The following MDGA2 variants were observed in gnomAD, a reference collection of about 807,000 sequenced individuals.
The protein encoded by MDGA2 is MAM domain containing glycosylphosphatidylinositol anchor 2.
A neutral mutation model predicts 117.8 loss-of-function variants in MDGA2; 40 were observed. The observed-to-expected ratio is 0.34, with a 90% CI of 0.26 to 0.44. MDGA2 has a LOEUF of 0.44. Ranked by LOEUF, MDGA2 falls within the 20% of genes least tolerant of loss-of-function variation. The probability of loss-of-function intolerance (pLI) is 1.00; values close to 1 mark genes in which losing one functional copy is unlikely to be tolerated. For missense variants in MDGA2, 1,123 were observed against 1,250.6 expected, an observed-to-expected ratio of 0.90 and a Z score of 1.54; for synonymous variants, 452 against 439.0, an observed-to-expected ratio of 1.03 and a Z score of -0.37.
chr14:46,934,986 T>C (rs1595054712), intron 9 of MDGA2, among the ~76,000 whole-genome samples: 1 of 151,834 alleles, frequency 6.6e-6, no homozygotes. Context: ...AAACTACTGC[T>C]TCAAGAGTTA....
At chr14:47,270,489 A>C (rs1420907145) in intron 2 of MDGA2, among the ~76,000 whole-genome samples, 1 of 152,202 alleles carries the variant, frequency 6.6e-6, no homozygotes, top group Non-Finnish European at 1.5e-5. Flanking sequence ...ACATAAAATA[A>C]AAAGACCCAA....
chr14:46,871,897 CA>C, intron 14 of MDGA2: 1 of 395,616 alleles, frequency 2.5e-6, no homozygotes, highest in Non-Finnish European at 5.3e-6. Context: ...CCTGTAATCC[CA>C]GCATTTTGAG....
intron 4 of MDGA2, among the ~76,000 whole-genome samples, chr14:47,141,978 T>C (rs756663938): frequency 4.6e-5 from 7 of 152,306 alleles, no homozygotes; most frequent in Admixed American, 2.0e-4. Flanking sequence ...CATCACACCA[T>C]ACCAGATAAA....
At chr14:47,074,901 C>T (rs1350725432) in intron 6 of MDGA2, among the ~76,000 whole-genome samples, 4 of 152,128 alleles carry the variant, frequency 2.6e-5, no homozygotes, top group Admixed American at 6.5e-5. Context: ...ATTGTCCGCT[C>T]GATTTTTATG....
At chr14:47,261,926 A>T (rs1887809927) in intron 2 of MDGA2, among the ~76,000 whole-genome samples, 1 of 152,138 alleles carries the variant, frequency 6.6e-6, no homozygotes, top group Non-Finnish European at 1.5e-5. Flanking sequence ...TGGTCTTTGA[A>T]TTAGTTATAA....
At chr14:47,615,651 G>C (rs1896935972) in intron 1 of MDGA2, among the ~76,000 whole-genome samples, 1 of 152,176 alleles carries the variant, frequency 6.6e-6, no homozygotes, top group Non-Finnish European at 1.5e-5. Flanking sequence ...AATGCACATT[G>C]ACACAGTCCC....
Position 47,149,744 on chromosome 14 carries a change from T to A in MDGA2, c.596-5470A>T, listed in dbSNP as rs147245879. Among the ~76,000 whole-genome samples, 369 of 152,360 alleles carry A rather than the reference T, an allele frequency of 2.4e-3. 3 individuals carry two copies. The highest frequency in any genetic ancestry group is 5.0e-3 in the Admixed American group (77 of 15,308). ...CCTAGCAGTGTATAACACTATTTCC[T>A]GCTGTCCTTGTCTAAGTGTTAAATC... On this transcript the variant is annotated intron_variant, in intron 3 of 16. Transcript: ENST00000399232.
chr14:46,919,906 A>T, intron 10 of MDGA2, 106 bp downstream of exon 10: 1 of 970,132 alleles, frequency 1.0e-6, no homozygotes, highest in Non-Finnish European at 1.5e-6. Context: ...AAACACATAT[A>T]CATAAAATAT....
At chr14:47,142,490 C>T (rs1044108811) in intron 4 of MDGA2, among the ~76,000 whole-genome samples, 1 of 151,808 alleles carries the variant, frequency 6.6e-6, no homozygotes, top group African/African-American at 2.4e-5. Flanking sequence ...AAGAAATAGC[C>T]ATATAGAGAA....
chr14:47,612,212 ATAGATAG>A (rs1566541086), intron 1 of MDGA2, among the ~76,000 whole-genome samples: 11 of 134,202 alleles, frequency 8.2e-5, no homozygotes, highest in East Asian at 6.4e-4. Flanking sequence ...AGATAGACAG[ATAGATAG>A]ATAGATAGAT....
intron 1 of MDGA2, among the ~76,000 whole-genome samples, chr14:47,453,216 T>C (rs1269467505): frequency 6.6e-6 from 1 of 152,098 alleles, no homozygotes; most frequent in African/African-American, 2.4e-5. Flanking sequence ...TTTTCAAGTA[T>C]GATCAACTGA....
At chr14:47,483,262 A>G (rs1415995753) in intron 1 of MDGA2, among the ~76,000 whole-genome samples, 3 of 152,034 alleles carry the variant, frequency 2.0e-5, no homozygotes, top group Admixed American at 2.0e-4. Context: ...ACTTTAAGTG[A>G]TCATATATTT....
At chr14:46,862,950 T>C (rs914642272) in intron 14 of MDGA2, among the ~76,000 whole-genome samples, 1 of 152,194 alleles carries the variant, frequency 6.6e-6, no homozygotes, top group African/African-American at 2.4e-5. Context: ...GTTATTACCA[T>C]TCCTTCTGGT....
chr14:47,588,277 C>A (rs1332334705), intron 1 of MDGA2, among the ~76,000 whole-genome samples: 9 of 144,550 alleles, frequency 6.2e-5, no homozygotes, highest in Non-Finnish European at 3.1e-5. Flanking sequence ...CACACACACA[C>A]ACACACACAC....
chr14:47,047,118 A>T (rs530533196), intron 7 of MDGA2, among the ~76,000 whole-genome samples: 1 of 151,740 alleles, frequency 6.6e-6, no homozygotes, highest in East Asian at 1.9e-4. Flanking sequence ...GTGAAAACAT[A>T]TATTTATATT....
At chr14:46,999,749 T>G (rs189382895) in intron 8 of MDGA2, among the ~76,000 whole-genome samples, 89 of 152,212 alleles carry the variant, frequency 5.8e-4, no homozygotes, top group Non-Finnish European at 1.1e-3. Flanking sequence ...TTCTCTGGAT[T>G]ATCTTTGTGG....
At chr14:47,185,938 T>G (rs570962212) in intron 3 of MDGA2, among the ~76,000 whole-genome samples, 1 of 151,712 alleles carries the variant, frequency 6.6e-6, no homozygotes, top group African/African-American at 2.4e-5. Flanking sequence ...TTCAAACATT[T>G]CAATACCTAT....
chr14:47,052,821 T>A (rs1454741901), intron 7 of MDGA2, among the ~76,000 whole-genome samples: 1 of 151,872 alleles, frequency 6.6e-6, no homozygotes, highest in Admixed American at 6.6e-5. Flanking sequence ...ATGTTCTTCA[T>A]ACCAAAATAC....
intron 8 of MDGA2, among the ~76,000 whole-genome samples, chr14:46,958,791 C>A (rs1357722991): frequency 6.6e-6 from 1 of 152,154 alleles, no homozygotes; most frequent in East Asian, 1.9e-4. Flanking sequence ...TTTTGCTTAA[C>A]TGAATTGTAG....
Sources: gnomAD v4.1 joint callset for allele counts (sites outside exome capture counted in the v4.1 genomes callset) on GRCh38, gnomAD v4.1.1 for gene constraint, MANE v1.5 for transcripts, NCBI Gene and HGNC (gene_info 2026-07-23, HGNC 2026-07-21) for gene names.